The following CRPPA variants were observed in gnomAD, a reference collection of about 807,000 sequenced individuals.
The protein encoded by CRPPA is CDP-L-ribitol pyrophosphorylase A.
Under a neutral mutation model 52.0 loss-of-function variants are expected in CRPPA, and 43 were observed. The ratio of observed to expected loss-of-function variants is 0.83; its 90% confidence interval spans 0.65 to 1.07. CRPPA has a LOEUF of 1.07. Ranked by LOEUF, CRPPA falls within the 50% of genes least tolerant of loss-of-function variation. CRPPA has a pLI of 0.00. For missense variants in CRPPA, 629 were observed against 551.7 expected, an observed-to-expected ratio of 1.14 and a Z score of -1.40; for synonymous variants, 250 against 203.5, an observed-to-expected ratio of 1.23 and a Z score of -1.94.
intron 3 of CRPPA, among the ~76,000 whole-genome samples, chr7:16,339,174 G>T (rs1785761390): frequency 6.6e-6 from 1 of 151,742 alleles, no homozygotes; most frequent in African/African-American, 2.4e-5. Context: ...AAAGCAGAGG[G>T]AATACTTCCC....
rs541063938 is a variant in CRPPA at position 16,146,941 on chromosome 7, T to A, written c.1252-55142A>T. The stretch of plus-strand genomic sequence containing the variant: ...GTAACAACTTTAAGTGTAAAGAGAT[T>A]AAATTATCTAATCAAAAGACATAGG... On this transcript the variant is annotated intron_variant, in intron 9 of 9. Coordinates refer to ENST00000407010, the MANE Select transcript of CRPPA (RefSeq NM_001101426.4). Among the ~76,000 whole-genome samples, 445 of 152,302 alleles carry A rather than the reference T, an allele frequency of 2.9e-3. 3 individuals are homozygous for A. The highest frequency in any genetic ancestry group is 0.01 in the African/African-American group (427 of 41,574).
chr7:16,297,894 C>A (rs1784707629), intron 5 of CRPPA, among the ~76,000 whole-genome samples: 1 of 152,152 alleles, frequency 6.6e-6, no homozygotes. Context: ...TGAGCCAATC[C>A]CTCAAAATAA....
chr7:16,176,392 C>T (rs554591408), intron 9 of CRPPA, among the ~76,000 whole-genome samples: 1 of 152,192 alleles, frequency 6.6e-6, no homozygotes, highest in Admixed American at 6.5e-5. Flanking sequence ...AAAGTAGCTA[C>T]ATAGATAGCA....
At chr7:16,137,244 C>T (rs771010373) in intron 9 of CRPPA, among the ~76,000 whole-genome samples, 1 of 152,176 alleles carries the variant, frequency 6.6e-6, no homozygotes, top group African/African-American at 2.4e-5. Flanking sequence ...TAGGCAGGAG[C>T]CACTGTCTAT....
At chr7:16,393,307 A>G (rs189552455) in intron 2 of CRPPA, among the ~76,000 whole-genome samples, 39 of 152,298 alleles carry the variant, frequency 2.6e-4, no homozygotes, top group Admixed American at 5.2e-4. Context: ...AAGTATACTT[A>G]AGAACAGCAG....
At chr7:16,250,296 C>T (rs1270573495) in intron 8 of CRPPA, among the ~76,000 whole-genome samples, 1 of 152,162 alleles carries the variant, frequency 6.6e-6, no homozygotes, top group East Asian at 1.9e-4. Context: ...TTGGAAAACA[C>T]TCTGCAGGAT....
intron 6 of CRPPA, chr7:16,270,643 A>C (rs756627291): frequency 6.6e-6 from 1 of 152,148 alleles, no homozygotes; most frequent in Non-Finnish European, 1.5e-5. Flanking sequence ...TCTTGTATAC[A>C]CATGCATGTA....
In CRPPA at chr7:16,096,355, T is replaced by C. The variant is rs181574118; in HGVS notation, c.1252-4556A>G. 2.0e-5 allele frequency among the ~76,000 whole-genome samples: 3 copies of C among 152,072 alleles called. No individual in the cohort carries two copies. The East Asian group carries it at 5.8e-4, about 29-fold the overall frequency. On this transcript the variant is annotated intron_variant, in intron 9 of 9. Coordinates refer to ENST00000407010, the MANE Select transcript of CRPPA (RefSeq NM_001101426.4). The stretch of plus-strand genomic sequence containing the variant: ...AATGAGACATACATTGGAATCATCA[T>C]GCAAGGATTTCAAAATAACTATGCC...
At chr7:16,387,584 A>T (rs1787321671) in intron 2 of CRPPA, among the ~76,000 whole-genome samples, 1 of 148,772 alleles carries the variant, frequency 6.7e-6, no homozygotes, top group Admixed American at 6.6e-5. Flanking sequence ...AATCTATCAC[A>T]TGCTGTCTAC....
chr7:16,222,813 T>C (rs1317058646), intron 8 of CRPPA, among the ~76,000 whole-genome samples: 1 of 152,198 alleles, frequency 6.6e-6, no homozygotes, highest in Admixed American at 6.5e-5. Context: ...TAAAAATTTT[T>C]ACTGATACAT....
intron 8 of CRPPA, among the ~76,000 whole-genome samples, chr7:16,246,630 C>T (rs925903464): frequency 6.6e-6 from 1 of 152,168 alleles, no homozygotes; most frequent in African/African-American, 2.4e-5. Flanking sequence ...GTTGTGTTAG[C>T]AGATATAAAG....
At chr7:16,177,864 C>G (rs917700075) in intron 9 of CRPPA, among the ~76,000 whole-genome samples, 3 of 152,094 alleles carry the variant, frequency 2.0e-5, no homozygotes, top group Non-Finnish European at 1.5e-5. Context: ...TATTTTCCCT[C>G]TGGAATTTCT....
chr7:16,245,047 T>TA (rs35768406), intron 8 of CRPPA, among the ~76,000 whole-genome samples: 93 of 142,414 alleles, frequency 6.5e-4, no homozygotes, highest in South Asian at 2.0e-3. Flanking sequence ...GTCTTACATT[T>TA]AAAAAAAAAA....
chr7:16,378,071 C>G (rs1786946609), intron 2 of CRPPA, among the ~76,000 whole-genome samples: 5 of 151,866 alleles, frequency 3.3e-5, no homozygotes, highest in Admixed American at 6.6e-5. Flanking sequence ...AGTTTTAAAG[C>G]AGTGATGTGG....
intron 8 of CRPPA, among the ~76,000 whole-genome samples, chr7:16,257,672 C>T (rs1029181437): frequency 2.0e-5 from 3 of 152,052 alleles, no homozygotes; most frequent in African/African-American, 7.2e-5. Context: ...TTAGGAACTT[C>T]GAAGCTGCTA....
At position 16,089,309 on chromosome 7, in the gene CRPPA, T is replaced by G. The variant is rs1294095544; in HGVS notation, c.*2386A>C. The G allele has an allele frequency of 1.3e-5, 5 of 399,142 alleles. No individual in the cohort carries two copies. Among genetic ancestry groups the G allele is most frequent in the Non-Finnish European group, 2.6e-5 (5 of 190,690 alleles). 24.7% of individuals were successfully genotyped at this position (399,142 alleles called of 1,614,324 possible). On this transcript the variant is annotated 3_prime_UTR_variant, in exon 10 of 10. Transcript: ENST00000407010. The stretch of plus-strand genomic sequence containing the variant: ...ATGCGTACGTATATACATATATGTG[T>G]GTATGCGTACGTATATAAATATATG...
At chr7:16,255,270 C>T (rs1783605315) in intron 8 of CRPPA, among the ~76,000 whole-genome samples, 1 of 152,088 alleles carries the variant, frequency 6.6e-6, no homozygotes, top group East Asian at 1.9e-4. Flanking sequence ...AACTACAAAC[C>T]ACTGCTCAAG....
At chr7:16,366,262 G>C (rs1786586001) in intron 3 of CRPPA, among the ~76,000 whole-genome samples, 2 of 152,144 alleles carry the variant, frequency 1.3e-5, no homozygotes, top group South Asian at 4.1e-4. Context: ...CACCTTGGTG[G>C]TTAGGTTTCA....
At chr7:16,339,453 A>T (rs1372538228) in intron 3 of CRPPA, among the ~76,000 whole-genome samples, 1 of 152,208 alleles carries the variant, frequency 6.6e-6, no homozygotes, top group African/African-American at 2.4e-5. Flanking sequence ...AAATCACATG[A>T]TCATATCAAT....
Sources: allele counts gnomAD v4.1 joint callset (sites outside exome capture counted in the v4.1 genomes callset), GRCh38; gene constraint gnomAD v4.1.1; transcripts MANE v1.5; gene names NCBI Gene and HGNC (gene_info 2026-07-23, HGNC 2026-07-21).